The following TBC1D14 variants were observed in gnomAD, a reference collection of about 807,000 sequenced individuals.
TBC1D14 encodes TBC1 domain family member 14.
In TBC1D14, 26 loss-of-function variants were observed where a neutral mutation model predicts 79.0. That is an observed-to-expected ratio of 0.33 (90% CI 0.24 to 0.46). The LOEUF (loss-of-function observed/expected upper bound fraction) is 0.46. Among genes scored for constraint, TBC1D14 ranks in the 20% least tolerant of loss-of-function variants. The pLI is 1.00. For synonymous variants in TBC1D14, 394 were observed against 349.9 expected (o/e 1.13, Z -1.40); for missense variants, 769 against 887.6 (o/e 0.87, Z 1.70).
intron 3 of TBC1D14, among the ~76,000 whole-genome samples, chr4:6,984,119 G>T (rs1422160260): frequency 6.8e-6 from 1 of 147,894 alleles, no homozygotes; most frequent in Admixed American, 6.7e-5. Context: ...TGAACATGGG[G>T]TTGGGGTGGG....
At chr4:7,016,805 G>A (rs1721330809) in intron 12 of TBC1D14, among the ~76,000 whole-genome samples, 1 of 152,180 alleles carries the variant, frequency 6.6e-6, no homozygotes, top group African/African-American at 2.4e-5. Context: ...TCTGGGTCAT[G>A]CCTGGCAGTG....
At chr4:7,024,092 C>A (rs1451546157) in intron 12 of TBC1D14, among the ~76,000 whole-genome samples, 1 of 152,212 alleles carries the variant, frequency 6.6e-6, no homozygotes, top group Admixed American at 6.5e-5. Flanking sequence ...ACGGAGCACC[C>A]CCCGGCCGGA....
At chr4:6,919,884 A>T (rs530942774) in intron 1 of TBC1D14, among the ~76,000 whole-genome samples, 1 of 151,996 alleles carries the variant, frequency 6.6e-6, no homozygotes, top group Non-Finnish European at 1.5e-5. Flanking sequence ...CTCCCAAAGT[A>T]CTGGGATTAC....
intron 9 of TBC1D14, 32 bp from the exon 10 acceptor site, chr4:7,009,845 A>G (rs747530196): frequency 4.3e-6 from 7 of 1,610,556 alleles, no homozygotes; most frequent in Middle Eastern, 1.6e-4. Flanking sequence ...GTACTCATGC[A>G]TGTGTTGTTT....
chr4:7,016,987 T>G (rs916916117), intron 12 of TBC1D14, among the ~76,000 whole-genome samples: 2 of 152,172 alleles, frequency 1.3e-5, no homozygotes, highest in Admixed American at 6.5e-5. Flanking sequence ...AGTGTAACAC[T>G]TGTGTTTTAT....
At chr4:6,985,024 G>A (rs1041461222) in intron 3 of TBC1D14, among the ~76,000 whole-genome samples, 5 of 152,200 alleles carry the variant, frequency 3.3e-5, no homozygotes, top group African/African-American at 4.8e-5. Context: ...CCTCGCCTGG[G>A]CAATTTAATG....
chr4:6,957,624 G>T (rs1714764166), intron 2 of TBC1D14, among the ~76,000 whole-genome samples: 1 of 152,192 alleles, frequency 6.6e-6, no homozygotes, highest in Admixed American at 6.5e-5. Flanking sequence ...CTATATTCCT[G>T]GGAAGAGAAT....
At chr4:6,998,389 TG>T (rs1294415397) in intron 5 of TBC1D14, among the ~76,000 whole-genome samples, 1 of 150,226 alleles carries the variant, frequency 6.7e-6, no homozygotes, top group African/African-American at 2.4e-5. Flanking sequence ...GTGCTCGAAC[TG>T]TTGGAAGTCA....
chr4:6,918,544 C>T (rs1577455000), intron 1 of TBC1D14, among the ~76,000 whole-genome samples: 1 of 152,190 alleles, frequency 6.6e-6, no homozygotes, highest in Non-Finnish European at 1.5e-5. Context: ...AGCCTGTGAG[C>T]TATAGGGTAT....
intron 3 of TBC1D14, among the ~76,000 whole-genome samples, chr4:6,976,197 A>G (rs904934462): frequency 6.6e-6 from 1 of 152,232 alleles, no homozygotes; most frequent in Non-Finnish European, 1.5e-5. Flanking sequence ...ACTAAAAAGT[A>G]TAACACTGTC....
At chr4:6,943,537 G>A (rs1023018122) in intron 2 of TBC1D14, among the ~76,000 whole-genome samples, 6 of 152,280 alleles carry the variant, frequency 3.9e-5, no homozygotes, top group South Asian at 2.1e-4. Context: ...AGCCAGTGAC[G>A]CCCTGCCTCT....
At chr4:7,005,058 G>T (rs760848464) in intron 8 of TBC1D14, 134 bp downstream of exon 8, 6 of 815,798 alleles carry the variant, frequency 7.4e-6, no homozygotes, top group Admixed American at 6.1e-5. Context: ...CGAGAAAAGG[G>T]TTTTTTTTGT....
intron 1 of TBC1D14, chr4:6,910,225 C>G (rs1722861822): frequency 6.6e-6 from 1 of 151,916 alleles, no homozygotes; most frequent in African/African-American, 2.4e-5. Flanking sequence ...CGCGCTGTGT[C>G]CCGCTCCTTT....
rs1723090282 is a variant in TBC1D14 at position 7,031,888 on chromosome 4, G to A, written c.*1496G>A. On this transcript the variant is annotated 3_prime_UTR_variant, in exon 14 of 14. Transcript: ENST00000409757. ...TAACAGGAGCCTTGGGCTAGGGGCT[G>A]GGGAAGGAAAGCCGAGCTGGCATTC... is the stretch of plus-strand genomic sequence containing the variant. The A allele has an allele frequency of 6.6e-6, 1 of 152,368 alleles. No homozygotes were observed. Among genetic ancestry groups the A allele is most frequent in the African/African-American group, 2.4e-5 (1 of 41,472 alleles). The allele number at this position is 152,368 out of a possible 1,614,324, so 9.4% of individuals were successfully genotyped here. A position where few individuals can be genotyped will look rare whatever the true frequency, so the allele number is the denominator to read the frequency against.
At chr4:7,023,152 G>T (rs1038996331) in intron 12 of TBC1D14, among the ~76,000 whole-genome samples, 1 of 152,166 alleles carries the variant, frequency 6.6e-6, no homozygotes, top group African/African-American at 2.4e-5. Context: ...TACTTGGGAG[G>T]CTGAGGCACA....
In TBC1D14 at chr4:7,006,617, G is replaced by C. The variant is rs370271742; in HGVS notation, c.1352-15G>C. ...GCCCTTGAGGAATGTAATTATTTTT[G>C]GCATCTTTTGACAGATGCTGGTTTT... On this transcript the variant is annotated splice_polypyrimidine_tract_variant and intron_variant, in intron 8 of 13. Coordinates refer to ENST00000409757, the MANE Select transcript of TBC1D14 (RefSeq NM_020773.3). 7.7e-5 allele frequency: 124 copies of C among 1,605,876 alleles called. No homozygotes were observed. The highest frequency in any genetic ancestry group is 1.0e-4 in the Non-Finnish European group (117 of 1,173,616).
chr4:6,980,061 C>T (rs1164328255), intron 3 of TBC1D14, among the ~76,000 whole-genome samples: 2 of 152,196 alleles, frequency 1.3e-5, no homozygotes, highest in Non-Finnish European at 2.9e-5. Flanking sequence ...ATCTAATTCA[C>T]AATTTATAGA....
intron 7 of TBC1D14, among the ~76,000 whole-genome samples, chr4:7,003,701 C>T (rs1361598598): frequency 6.6e-6 from 1 of 152,090 alleles, no homozygotes; most frequent in East Asian, 1.9e-4. Flanking sequence ...TGATCAGGAA[C>T]ATCAGAGCCA....
At chr4:6,922,111 G>A (rs1723915062) in intron 1 of TBC1D14, among the ~76,000 whole-genome samples, 1 of 152,028 alleles carries the variant, frequency 6.6e-6, no homozygotes, top group South Asian at 2.1e-4. Context: ...AGAGTGCGGT[G>A]GTGTAATCAT....
Sources: gnomAD v4.1 joint callset for allele counts (sites outside exome capture counted in the v4.1 genomes callset) on GRCh38, gnomAD v4.1.1 for gene constraint, MANE v1.5 for transcripts, NCBI Gene and HGNC (gene_info 2026-07-23, HGNC 2026-07-21) for gene names.